RBBP8: variants seen among roughly 807,000 people sequenced by gnomAD.
RBBP8 encodes the protein RB binding protein 8, endonuclease.
A neutral mutation model predicts 108.3 loss-of-function variants in RBBP8; 88 were observed. That is an observed-to-expected ratio of 0.81 (90% CI 0.68 to 0.97). The LOEUF is 0.97. RBBP8 is among the 50% of genes least tolerant of loss of function. The pLI is 0.00. For synonymous variants in RBBP8, 332 were observed against 348.2 expected (o/e 0.95, Z 0.52); for missense variants, 1,023 against 1,049.0 (o/e 0.98, Z 0.34).
At chr18:22,938,752 G>A (rs867210145) in intron 2 of RBBP8, among the ~76,000 whole-genome samples, 2 of 152,028 alleles carry the variant, frequency 1.3e-5, no homozygotes, top group Middle Eastern at 3.2e-3. Context: ...TTCTTTGCAG[G>A]ATATAGACAT....
At chr18:23,009,685 T>C (rs1218861388) in intron 16 of RBBP8, among the ~76,000 whole-genome samples, 1 of 152,114 alleles carries the variant, frequency 6.6e-6, no homozygotes, top group African/African-American at 2.4e-5. Context: ...ATGATTTTTC[T>C]TCTATCCTAA....
At chr18:22,933,762 A>G (rs905310926) in intron 1 of RBBP8, 198 bp downstream of exon 1, 1 of 151,892 alleles carries the variant, frequency 6.6e-6, no homozygotes, top group Non-Finnish European at 1.5e-5. Context: ...CTACCTCAGT[A>G]CTACTTCTGG....
intron 16 of RBBP8, among the ~76,000 whole-genome samples, chr18:23,011,982 G>A (rs9959556): frequency 0.49 from 74,450 of 151,488 alleles, 21,596 homozygotes; most frequent in Middle Eastern, 0.67. Context: ...ACTTTGGGAG[G>A]CTGTGATGAG....
At chr18:22,996,762 C>G (rs1368426823) in intron 13 of RBBP8, among the ~76,000 whole-genome samples, 1 of 152,030 alleles carries the variant, frequency 6.6e-6, no homozygotes, top group African/African-American at 2.4e-5. Context: ...TCTGGGAGGT[C>G]GAAGAGAGAG....
intron 15 of RBBP8, among the ~76,000 whole-genome samples, chr18:23,002,436 A>G (rs992999691): frequency 6.6e-6 from 1 of 152,174 alleles, no homozygotes; most frequent in Admixed American, 6.5e-5. Flanking sequence ...TTAAATTCAA[A>G]AAAGGAAAAT....
chr18:22,957,291 C>CTTTTTTTTTTTTT (rs11418623), intron 4 of RBBP8, among the ~76,000 whole-genome samples: 7 of 92,840 alleles, frequency 7.5e-5, no homozygotes, highest in East Asian at 3.4e-4. Flanking sequence ...ATTACTTTTT[C>CTTTTTTTTTTTTT]TTTTTTTTTT....
At chr18:22,924,126 G>GTTTTT (rs1567937530) in intron 3 of RBBP8, among the ~76,000 whole-genome samples, 2 of 78,786 alleles carry the variant, frequency 2.5e-5, no homozygotes, top group Admixed American at 1.4e-4. Flanking sequence ...GTTTGTTTTT[G>GTTTTT]GTTTTTTTTT....
Position 23,022,149 on chromosome 18 carries a change from A to C in RBBP8, c.2475A>C (p.Ala825=), listed in dbSNP as rs748844955. 2 of 1,604,838 alleles carry C rather than the reference A, an allele frequency of 1.2e-6. No homozygotes were observed. The highest frequency in any genetic ancestry group is 1.7e-6 in the Non-Finnish European group (2 of 1,171,490). ...ECEIYYADMP[A]EEREKKLASC... is the part of the protein sequence containing the mutation. ...ATTAGTATTATGCAGATATGCCAGCAGAAGAAAGAGAAAAGAAATTGGCTT... is the reference window on the plus strand; with the variant it reads ...ATTAGTATTATGCAGATATGCCAGCCGAAGAAAGAGAAAAGAAATTGGCTT... Residue 825 remains alanine (A), a synonymous_variant, in exon 18 of 19, where the codon GCA becomes GCC. Coordinates refer to ENST00000327155, the MANE Select transcript of RBBP8 (RefSeq NM_002894.3).
chr18:23,026,218 AAGGCAAGG>A lies in RBBP8; in HGVS notation c.2675_2682del (p.Gly892AlafsTer13), dbSNP rs1371094353. The A allele has an allele frequency of 6.2e-7, 1 of 1,613,728 alleles. No homozygotes were observed. ...CCTTACAACGCAATATTTTCTCCAA[AAGGCAAGG>A]AGCAGAAGACATAGACGTTGAAACA... On this transcript the variant is annotated frameshift_variant, in exon 19 of 19. Coordinates refer to ENST00000327155, the MANE Select transcript of RBBP8 (RefSeq NM_002894.3). LOFTEE classifies it high-confidence loss of function.
intron 3 of RBBP8, among the ~76,000 whole-genome samples, chr18:22,922,638 T>A (rs928764226): frequency 1.1e-4 from 17 of 152,098 alleles, no homozygotes; most frequent in African/African-American, 3.9e-4. Context: ...AATTTTTATG[T>A]ATTTTCTGTA....
rs549376622 is a variant in RBBP8 at position 22,939,522 on chromosome 18, G to A, written c.109+2562G>A. On this transcript the variant is annotated intron_variant, in intron 2 of 18. Coordinates refer to ENST00000327155, the MANE Select transcript of RBBP8 (RefSeq NM_002894.3). Reference sequence around the variant, plus strand: ...CCCTGGGCAACAAGAGCGAAACTCCGTCTCAAAAAAAAAAAGAACTTTCCC... The same window carrying A: ...CCCTGGGCAACAAGAGCGAAACTCCATCTCAAAAAAAAAAAGAACTTTCCC... Among the ~76,000 whole-genome samples the A allele has an allele frequency of 1.3e-4, 20 of 151,092 alleles. 2 individuals are homozygous for A. Among genetic ancestry groups the A allele is most frequent in the East Asian group, 7.8e-4 (4 of 5,156 alleles).
chr18:22,920,339 T>C (rs1909537367), intron 3 of RBBP8, among the ~76,000 whole-genome samples: 1 of 152,176 alleles, frequency 6.6e-6, no homozygotes, highest in African/African-American at 2.4e-5. Context: ...TTTGCATAAC[T>C]CAAGACTAAC....
chr18:22,917,438 T>C (rs995395511), intron 3 of RBBP8, among the ~76,000 whole-genome samples: 11 of 152,210 alleles, frequency 7.2e-5, no homozygotes, highest in Admixed American at 6.5e-4. Flanking sequence ...GTTAAGTTAA[T>C]ACCATTCTTT....
intron 7 of RBBP8, among the ~76,000 whole-genome samples, chr18:22,983,991 G>A (rs944617154): frequency 5.3e-5 from 8 of 152,154 alleles, no homozygotes; most frequent in Admixed American, 2.0e-4. Context: ...TGAAGCAGGA[G>A]ACTTGCTTGA....
At chr18:22,928,404 G>C (rs1380103115), upstream of RBBP8, among the ~76,000 whole-genome samples, 20 of 152,150 alleles carry the variant, frequency 1.3e-4, no homozygotes. Context: ...AGAGATGTTA[G>C]GTTAGTCGCC....
chr18:22,978,495 G>C (rs1410999573), intron 6 of RBBP8, among the ~76,000 whole-genome samples: 3 of 151,958 alleles, frequency 2.0e-5, no homozygotes, highest in Admixed American at 6.5e-5. Flanking sequence ...CCTCTAGTTA[G>C]AGCTAGTTTT....
intron 4 of RBBP8, among the ~76,000 whole-genome samples, chr18:22,968,035 T>C (rs112842665): frequency 0.017 from 2,513 of 152,016 alleles, 76 homozygotes; most frequent in African/African-American, 0.057. Flanking sequence ...TTTTCTCCCT[T>C]GTATTTCTTG....
chr18:22,968,977 A>C, intron 5 of RBBP8, 59 bp downstream of exon 5: 1 of 1,294,676 alleles, frequency 7.7e-7, no homozygotes, highest in Middle Eastern at 2.3e-4. Flanking sequence ...TTTAAGACCT[A>C]TTAGTAAATT....
chr18:22,944,330 G>A (rs1381569835), intron 2 of RBBP8, among the ~76,000 whole-genome samples: 1 of 152,096 alleles, frequency 6.6e-6, no homozygotes, highest in Non-Finnish European at 1.5e-5. Flanking sequence ...AGTTTATATG[G>A]ATTTTCTGTC....
Sources: allele counts gnomAD v4.1 joint callset (sites outside exome capture counted in the v4.1 genomes callset), GRCh38; gene constraint gnomAD v4.1.1; transcripts MANE v1.5; gene names NCBI Gene and HGNC (gene_info 2026-07-23, HGNC 2026-07-21).